The following RALGPS1 variants were observed in gnomAD, a reference collection of about 807,000 sequenced individuals.
RALGPS1 encodes Ral GEF with PH domain and SH3 binding motif 1.
Under a neutral mutation model 78.8 loss-of-function variants are expected in RALGPS1, and 19 were observed. The observed-to-expected ratio is 0.24, with a 90% CI of 0.17 to 0.35. The LOEUF (loss-of-function observed/expected upper bound fraction) is 0.35, where lower values mean the gene tolerates loss of function less well. Ranked by LOEUF, RALGPS1 falls within the 10% of genes least tolerant of loss-of-function variation. The pLI is 1.00. For synonymous variants in RALGPS1, 228 were observed against 256.3 expected, an observed-to-expected ratio of 0.89 and a Z score of 1.06; for missense variants, 454 against 688.3, an observed-to-expected ratio of 0.66 and a Z score of 3.81.
At chr9:127,201,911 C>T (rs1050525221) in intron 14 of RALGPS1, among the ~76,000 whole-genome samples, 1 of 152,212 alleles carries the variant, frequency 6.6e-6, no homozygotes, top group African/African-American at 2.4e-5. Flanking sequence ...CAGGCCGCAC[C>T]GCTCGAGCAG....
chr9:127,166,709 T>C (rs543149012), intron 9 of RALGPS1, among the ~76,000 whole-genome samples: 1 of 152,254 alleles, frequency 6.6e-6, no homozygotes, highest in South Asian at 2.1e-4. Flanking sequence ...CCACTTTTGC[T>C]GACAGGGGCT....
At chr9:127,153,818 G>T (rs2058564775) in intron 8 of RALGPS1, among the ~76,000 whole-genome samples, 1 of 152,228 alleles carries the variant, frequency 6.6e-6, no homozygotes, top group African/African-American at 2.4e-5. Context: ...AGCAGAAGGG[G>T]AAGTCAGAAT....
At chr9:127,195,475 T>C (rs1273678557) in intron 12 of RALGPS1, among the ~76,000 whole-genome samples, 1 of 151,940 alleles carries the variant, frequency 6.6e-6, no homozygotes, top group Non-Finnish European at 1.5e-5. Context: ...GGAGGAAGGG[T>C]GCAGGGAAGG....
chr9:127,157,658 A>G (rs1018374022), intron 8 of RALGPS1, among the ~76,000 whole-genome samples: 1 of 152,034 alleles, frequency 6.6e-6, no homozygotes, highest in African/African-American at 2.4e-5. Context: ...TTACTGTTAT[A>G]TAAGAATGAC....
At chr9:127,145,683 A>G (rs1489475297) in intron 8 of RALGPS1, among the ~76,000 whole-genome samples, 1 of 152,172 alleles carries the variant, frequency 6.6e-6, no homozygotes, top group East Asian at 1.9e-4. Flanking sequence ...CTAGAGGTAG[A>G]GCCCCAGAAG....
At chr9:126,989,987 T>C (rs1483168042) in intron 4 of RALGPS1, 2 of 1,550,362 alleles carry the variant, frequency 1.3e-6, no homozygotes, top group African/African-American at 2.7e-5. Context: ...ACACTGCCTG[T>C]GGGTCCAGGA....
chr9:127,154,041 G>A (rs1198113254), intron 8 of RALGPS1, among the ~76,000 whole-genome samples: 2 of 152,190 alleles, frequency 1.3e-5, no homozygotes, highest in East Asian at 1.9e-4. Context: ...GCCAGTGACG[G>A]CCCAGGCTCT....
chr9:127,192,298 C>T lies in RALGPS1; in HGVS notation c.911-2793C>T, dbSNP rs140151437. Reference sequence around the variant, plus strand: ...AGGGAGGAGAGAAGAGGCAAGTTGCCGTGTGGCAGGAGCCGAGGGTGGGCT... The same window carrying T: ...AGGGAGGAGAGAAGAGGCAAGTTGCTGTGTGGCAGGAGCCGAGGGTGGGCT... On this transcript the variant is annotated intron_variant, in intron 11 of 18. Coordinates refer to ENST00000259351, the MANE Select transcript of RALGPS1 (RefSeq NM_014636.3). Among the ~76,000 whole-genome samples the T allele has an allele frequency of 2.3e-4, 35 of 152,312 alleles. No individual in the cohort carries two copies. The East Asian group carries it at 2.5e-3, about 11-fold the overall frequency.
intron 4 of RALGPS1, among the ~76,000 whole-genome samples, chr9:127,020,680 A>G (rs1356968864): frequency 6.6e-6 from 1 of 152,248 alleles, no homozygotes; most frequent in African/African-American, 2.4e-5. Context: ...CAGCTATAGT[A>G]TGAGCTCAGT....
intron 4 of RALGPS1, among the ~76,000 whole-genome samples, chr9:127,021,811 G>T (rs984285657): frequency 3.3e-5 from 5 of 152,142 alleles, no homozygotes; most frequent in Non-Finnish European, 7.3e-5. Context: ...GCTGCTCTCA[G>T]TCCGCTAATC....
chr9:127,121,600 G>A (rs1165835941), intron 8 of RALGPS1, among the ~76,000 whole-genome samples: 1 of 152,258 alleles, frequency 6.6e-6, no homozygotes, highest in African/African-American at 2.4e-5. Flanking sequence ...CTAATACTGA[G>A]TGCTTTCAGG....
At chr9:127,137,445 C>G (rs775806008) in intron 8 of RALGPS1, among the ~76,000 whole-genome samples, 3 of 152,260 alleles carry the variant, frequency 2.0e-5, no homozygotes, top group Admixed American at 6.5e-5. Context: ...GGGGAAGTCA[C>G]TCCCTGAGAG....
intron 8 of RALGPS1, among the ~76,000 whole-genome samples, chr9:127,073,010 T>C (rs1310364169): frequency 6.6e-6 from 1 of 152,234 alleles, no homozygotes; most frequent in Non-Finnish European, 1.5e-5. Flanking sequence ...GTTACATTCA[T>C]AGAATGTATA....
intron 8 of RALGPS1, among the ~76,000 whole-genome samples, chr9:127,154,374 G>T (rs2058597695): frequency 6.6e-6 from 1 of 152,196 alleles, no homozygotes; most frequent in Non-Finnish European, 1.5e-5. Context: ...GAAAGCCTGC[G>T]ACCTCCCCAT....
intron 3 of RALGPS1, among the ~76,000 whole-genome samples, chr9:126,966,894 C>T (rs2039560458): frequency 6.6e-6 from 1 of 152,108 alleles, no homozygotes. Context: ...GACTTGGTTT[C>T]CTCTTTTTGA....
At chr9:127,108,699 G>T in intron 8 of RALGPS1, 2 of 1,612,520 alleles carry the variant, frequency 1.2e-6, no homozygotes, top group Non-Finnish European at 8.5e-7. Context: ...CCAGCAGTCC[G>T]AGCCACCAGC....
At chr9:126,971,006 TAAAAATA>T (rs1376889844) in intron 3 of RALGPS1, among the ~76,000 whole-genome samples, 1 of 151,986 alleles carries the variant, frequency 6.6e-6, no homozygotes, top group African/African-American at 2.4e-5. Context: ...AGGGAAGACT[TAAAAATA>T]AAAGAATTCT....
intron 1 of RALGPS1, among the ~76,000 whole-genome samples, chr9:126,926,676 A>G (rs1371786351): frequency 6.6e-6 from 1 of 152,168 alleles, no homozygotes; most frequent in African/African-American, 2.4e-5. Context: ...AAGGATTGTC[A>G]CTTATAGTCC....
At chr9:126,970,963 T>A (rs560986142) in intron 3 of RALGPS1, among the ~76,000 whole-genome samples, 2 of 151,898 alleles carry the variant, frequency 1.3e-5, no homozygotes, top group Non-Finnish European at 2.9e-5. Context: ...AAATCAGAAA[T>A]ACAAAAATCT....
Sources: allele counts gnomAD v4.1 joint callset (sites outside exome capture counted in the v4.1 genomes callset), GRCh38; gene constraint gnomAD v4.1.1; transcripts MANE v1.5; gene names NCBI Gene and HGNC (gene_info 2026-07-23, HGNC 2026-07-21).